GALNT18: variants seen among roughly 807,000 people sequenced by gnomAD.
GALNT18 encodes the protein polypeptide N-acetylgalactosaminyltransferase 18.
Under a neutral mutation model 69.5 loss-of-function variants are expected in GALNT18, and 44 were observed. The observed-to-expected ratio is 0.63, with a 90% CI of 0.50 to 0.81. The LOEUF (loss-of-function observed/expected upper bound fraction) is 0.81, where lower values mean the gene tolerates loss of function less well. Among genes scored for constraint, GALNT18 ranks in the 40% least tolerant of loss-of-function variants. The pLI, the probability that GALNT18 is intolerant of heterozygous loss-of-function variation, is 0.00. For missense variants in GALNT18, 715 were observed against 810.0 expected (o/e 0.88, Z 1.42); for synonymous variants, 364 against 318.2 (o/e 1.14, Z -1.53).
At chr11:11,283,115 G>A (rs1311281182) in intron 10 of GALNT18, among the ~76,000 whole-genome samples, 3 of 152,114 alleles carry the variant, frequency 2.0e-5, no homozygotes, top group Admixed American at 1.3e-4. Context: ...AAGAGGTGCG[G>A]GTAAGTGGAT....
intron 3 of GALNT18, among the ~76,000 whole-genome samples, chr11:11,422,480 G>T (rs1233812336): frequency 2.0e-5 from 3 of 152,234 alleles, no homozygotes; most frequent in Admixed American, 6.5e-5. Context: ...GGCTGAACGG[G>T]CTGACAGCCC....
intron 1 of GALNT18, among the ~76,000 whole-genome samples, chr11:11,594,153 G>T (rs1859430394): frequency 6.6e-6 from 1 of 152,160 alleles, no homozygotes; most frequent in Non-Finnish European, 1.5e-5. Flanking sequence ...GGTCCAGGTG[G>T]CCACAGTTCA....
intron 10 of GALNT18, among the ~76,000 whole-genome samples, chr11:11,274,088 G>T (rs989332601): frequency 2.0e-5 from 3 of 152,118 alleles, no homozygotes; most frequent in Non-Finnish European, 2.9e-5. Flanking sequence ...GGGGTTGGGG[G>T]ATCTCCCTTC....
chr11:11,408,545 G>A (rs1406241705), intron 3 of GALNT18, among the ~76,000 whole-genome samples: 2 of 151,998 alleles, frequency 1.3e-5, no homozygotes, highest in East Asian at 1.9e-4. Flanking sequence ...AAGAGTCGCC[G>A]TCTCTTTGGG....
At chr11:11,295,826 G>A (rs1590017754) in intron 9 of GALNT18, among the ~76,000 whole-genome samples, 2 of 152,186 alleles carry the variant, frequency 1.3e-5, no homozygotes, top group Non-Finnish European at 1.5e-5. Flanking sequence ...AAAGTTCTGA[G>A]CAGAGGCCAA....
chr11:11,586,740 G>C lies in GALNT18; in HGVS notation c.235+34619C>G, dbSNP rs1014990160. Reference sequence around the variant, plus strand: ...TGTAATCACAGCCCTTTGGGACGCCGAGGCGGGCAGATCACCTGAGGTCAG... The same window carrying C: ...TGTAATCACAGCCCTTTGGGACGCCCAGGCGGGCAGATCACCTGAGGTCAG... On this transcript the variant is annotated intron_variant, in intron 1 of 10. Coordinates refer to ENST00000227756, the MANE Select transcript of GALNT18 (RefSeq NM_198516.3). This position sits in a 1 kb window ranked among gnomAD's most constrained non-coding sequence, Gnocchi z 4.1. Among the ~76,000 whole-genome samples the C allele has an allele frequency of 6.6e-6, 1 of 152,122 alleles. No homozygotes were observed. Among genetic ancestry groups the C allele is most frequent in the African/African-American group, 2.4e-5 (1 of 41,414 alleles).
intron 7 of GALNT18, among the ~76,000 whole-genome samples, chr11:11,335,984 C>A (rs1850104607): frequency 6.6e-6 from 1 of 152,146 alleles, no homozygotes; most frequent in African/African-American, 2.4e-5. Context: ...TAATTTGTTA[C>A]CATAGCCCTA....
At chr11:11,433,059 G>A (rs1564946674) in intron 2 of GALNT18, among the ~76,000 whole-genome samples, 1 of 152,358 alleles carries the variant, frequency 6.6e-6, no homozygotes, top group South Asian at 2.1e-4. Context: ...ACAGCACATG[G>A]CAGCTGGCAG....
chr11:11,422,913 T>C (rs1855042474), intron 3 of GALNT18, among the ~76,000 whole-genome samples: 1 of 152,190 alleles, frequency 6.6e-6, no homozygotes, highest in Non-Finnish European at 1.5e-5. Flanking sequence ...TTGTCATTCA[T>C]CAGGATTTTG....
intron 3 of GALNT18, among the ~76,000 whole-genome samples, chr11:11,409,937 T>A (rs933303559): frequency 2.0e-5 from 3 of 152,172 alleles, no homozygotes; most frequent in Non-Finnish European, 2.9e-5. Flanking sequence ...TTAAACTCCA[T>A]TGGAGCAACT....
Position 11,340,310 on chromosome 11 carries a change from C to T in GALNT18, c.1278+509G>A, listed in dbSNP as rs956065958. 3.7e-5 allele frequency among the ~76,000 whole-genome samples: 2 copies of T among 53,588 alleles called. No homozygotes were observed. The highest frequency in any genetic ancestry group is 6.6e-5 in the Non-Finnish European group (2 of 30,374). 35.2% of individuals were successfully genotyped at this position (53,588 alleles called of 152,430 possible). ...GTTAACTCCATCTCCTAGTGAAGGT[C>T]CCTGTAGGTGTGCCCCCATCCCCAT... On this transcript the variant is annotated intron_variant, in intron 7 of 10. Coordinates refer to ENST00000227756, the MANE Select transcript of GALNT18 (RefSeq NM_198516.3). This position sits in a 1 kb window ranked among gnomAD's most constrained non-coding sequence, Gnocchi z 4.2.
Position 11,415,906 on chromosome 11 carries a change from C to T in GALNT18, c.595+16715G>A, listed in dbSNP as rs1309364024. ...ACAGGTCTAGAGGGCAGCAGCTGGG[C>T]ACCTAAGACTGTGGGAACTCACTCC... On this transcript the variant is annotated intron_variant, in intron 3 of 10. Coordinates refer to ENST00000227756, the MANE Select transcript of GALNT18 (RefSeq NM_198516.3). The surrounding 1 kb of genome is among the most constrained non-coding windows in gnomAD (Gnocchi z 4.1). Among the ~76,000 whole-genome samples, 2 of 152,176 alleles carry T rather than the reference C, an allele frequency of 1.3e-5. No homozygotes were observed. Among genetic ancestry groups the T allele is most frequent in the East Asian group, 1.9e-4 (1 of 5,194 alleles).
At chr11:11,441,762 T>C (rs1855536376) in intron 2 of GALNT18, among the ~76,000 whole-genome samples, 1 of 152,224 alleles carries the variant, frequency 6.6e-6, no homozygotes, top group Non-Finnish European at 1.5e-5. Flanking sequence ...ATGGCCTACC[T>C]GCTCCTGCTG....
chr11:11,594,169 A>G (rs910667883), intron 1 of GALNT18, among the ~76,000 whole-genome samples: 2 of 152,218 alleles, frequency 1.3e-5, no homozygotes, highest in African/African-American at 4.8e-5. Flanking sequence ...GTTCATTGGT[A>G]TCTGTGCTTC....
intron 1 of GALNT18, among the ~76,000 whole-genome samples, chr11:11,608,641 G>A (rs1859812720): frequency 3.3e-5 from 5 of 152,124 alleles, no homozygotes; most frequent in Admixed American, 2.6e-4. Context: ...GATTACAGGC[G>A]TGAGCCACAG....
At chr11:11,381,314 T>C (rs1342127953) in intron 3 of GALNT18, among the ~76,000 whole-genome samples, 4 of 152,134 alleles carry the variant, frequency 2.6e-5, no homozygotes, top group Admixed American at 2.6e-4. Flanking sequence ...AAGTGTTGAG[T>C]GCACAGAACT....
At position 11,271,153 on chromosome 11, in the gene GALNT18, G is replaced by A. The variant is rs10831567; in HGVS notation, c.1815C>T (p.Leu605=). ...HWSITNVLRS[L]AS ...AAGTGGCCCCGGTGGGTCAGGACGC[G>A]AGGCTCCTCAGGACGTTGGTGATGC... Residue 605 remains leucine (L), a synonymous_variant, in exon 11 of 11, where the codon CTC becomes CTT. Coordinates refer to ENST00000227756, the MANE Select transcript of GALNT18 (RefSeq NM_198516.3). The A allele has an allele frequency of 5.6e-6, 9 of 1,610,330 alleles. No individual in the cohort carries two copies. The highest frequency in any genetic ancestry group is 4.5e-5 in the East Asian group (2 of 44,694).
chr11:11,337,983 T>G lies in GALNT18; in HGVS notation c.1278+2836A>C, dbSNP rs902503923. On this transcript the variant is annotated intron_variant, in intron 7 of 10. Coordinates refer to ENST00000227756, the MANE Select transcript of GALNT18 (RefSeq NM_198516.3). This position sits in a 1 kb window ranked among gnomAD's most constrained non-coding sequence, Gnocchi z 4.9. ...AAGATTTTTTTTTTTTTTTTTTTTT[T>G]GAGACAGTCTCGCTCTGTCACCCAG... Among the ~76,000 whole-genome samples the G allele has an allele frequency of 5.1e-3, 692 of 136,434 alleles. 3 individuals are homozygous for G. Among genetic ancestry groups the G allele is most frequent in the African/African-American group, 0.018 (666 of 37,328 alleles). The allele number at this position is 136,434 out of a possible 152,430, so 89.5% of individuals were successfully genotyped here. A position where few individuals can be genotyped will look rare whatever the true frequency, so the allele number is the denominator to read the frequency against.
Position 11,573,552 on chromosome 11 carries a change from G to T in GALNT18, c.235+47807C>A, listed in dbSNP as rs905478141. 3 of 152,190 alleles carry T rather than the reference G, an allele frequency of 2.0e-5. No individual in the cohort carries two copies. Among genetic ancestry groups the T allele is most frequent in the African/African-American group, 4.8e-5 (2 of 41,434 alleles). 9.4% of individuals were successfully genotyped at this position (152,190 alleles called of 1,614,324 possible). A position where few individuals can be genotyped will look rare whatever the true frequency, so the allele number is the denominator to read the frequency against. On this transcript the variant is annotated intron_variant, in intron 1 of 10. Coordinates refer to ENST00000227756, the MANE Select transcript of GALNT18 (RefSeq NM_198516.3). The surrounding 1 kb of genome is among the most constrained non-coding windows in gnomAD (Gnocchi z 4.6). ...GCAGAACCTGATGCCCAGCAAAGGG[G>T]AAAGGATAGCAGGAGCCTTGATCCA...
Sources: allele counts gnomAD v4.1 joint callset (sites outside exome capture counted in the v4.1 genomes callset), GRCh38; gene constraint gnomAD v4.1.1; non-coding constraint Gnocchi (gnomAD v3.1); transcripts MANE v1.5; gene names NCBI Gene and HGNC (gene_info 2026-07-23, HGNC 2026-07-21).